The following NCOR1 variants were observed in gnomAD, a reference collection of about 807,000 sequenced individuals.
The protein encoded by NCOR1 is protein phosphatase 1, regulatory subunit 109.
Under a neutral mutation model 288.1 loss-of-function variants are expected in NCOR1, and 63 were observed. That is an observed-to-expected ratio of 0.22 (90% CI 0.18 to 0.27). NCOR1 has a LOEUF of 0.27. Among genes scored for constraint, NCOR1 ranks in the 10% least tolerant of loss-of-function variants. NCOR1 has a pLI of 1.00. For synonymous variants in NCOR1, 1,007 were observed against 1,065.9 expected, an observed-to-expected ratio of 0.94 and a Z score of 1.08; for missense variants, 2,397 against 3,019.2, an observed-to-expected ratio of 0.79 and a Z score of 4.83.
Position 16,127,311 on chromosome 17 carries a change from A to ATGTATGTATGTATGTATATATACG in NCOR1, c.1510-1106_1510-1105insCGTATATATACATACATACATACA, listed in dbSNP as rs1568196021. Among the ~76,000 whole-genome samples the ATGTATGTATGTATGTATATATACG allele has an allele frequency of 1.9e-3, 67 of 34,394 alleles. 22 individuals carry two copies. The highest frequency in any genetic ancestry group is 3.7e-3 in the Non-Finnish European group (51 of 13,818). 22.6% of individuals were successfully genotyped at this position (34,394 alleles called of 152,430 possible). On this transcript the variant is annotated intron_variant, in intron 14 of 45. Coordinates refer to ENST00000268712, the MANE Select transcript of NCOR1 (RefSeq NM_006311.4). ...TATATATGTATGTATGTATATATAC[A>ATGTATGTATGTATGTATATATACG]TGTATGTATATATGTATGTATATAT...
intron 20 of NCOR1, among the ~76,000 whole-genome samples, chr17:16,100,742 A>G (rs2067468925): frequency 6.6e-6 from 1 of 152,260 alleles, no homozygotes; most frequent in Non-Finnish European, 1.5e-5. Context: ...AAGTGGTCAT[A>G]ATTATCATTA....
intron 18 of NCOR1, among the ~76,000 whole-genome samples, chr17:16,111,171 G>A (rs1314601802): frequency 2.0e-5 from 3 of 152,180 alleles, no homozygotes; most frequent in Non-Finnish European, 4.4e-5. Context: ...CTAGGGAAGA[G>A]ACAACTTTTT....
intron 5 of NCOR1, among the ~76,000 whole-genome samples, chr17:16,159,649 C>A (rs1188668905): frequency 6.6e-6 from 1 of 152,034 alleles, no homozygotes; most frequent in Non-Finnish European, 1.5e-5. Flanking sequence ...CCATGCCACC[C>A]TCAACACCCA....
rs780282363 is a variant in NCOR1, at chr17:16,065,489, C to T, written c.4947G>A (p.Thr1649=). Residue 1649 remains threonine, a synonymous_variant, in exon 33 of 46, where the codon ACG becomes ACA. Transcript: ENST00000268712. Reference sequence around the variant, plus strand: ...CTGAAATGCAAAGACACACACCTCTCGTTGCTGGGTATGGGAGACCCAGTG... The same window carrying T: ...CTGAAATGCAAAGACACACACCTCTTGTTGCTGGGTATGGGAGACCCAGTG... ...EQPLGLPYPA[T]RGIIDLTNMP... is the part of the protein sequence containing the mutation. 17 of 1,613,994 alleles carry T rather than the reference C, an allele frequency of 1.1e-5. No individual in the cohort carries two copies. The highest frequency in any genetic ancestry group is 2.2e-5 in the South Asian group (2 of 91,068).
rs921700391 is a variant in NCOR1 at position 16,146,650 on chromosome 17, A to C, written c.910-102T>G. The C allele has an allele frequency of 2.7e-6, 3 of 1,102,304 alleles. No individual in the cohort carries two copies. The African/African-American group carries it at 4.8e-5, about 18-fold the overall frequency. The allele number at this position is 1,102,304 out of a possible 1,614,324, so 68.3% of individuals were successfully genotyped here. On this transcript the variant is annotated intron_variant, in intron 9 of 45. Transcript: ENST00000268712. ...TGCTACTTCTTAAGGTTAAGTCAGA[A>C]GTACATTTGGCTTATGACTCAACTG...
chr17:16,163,243 T>A (rs1320810686), intron 5 of NCOR1, among the ~76,000 whole-genome samples: 1 of 152,086 alleles, frequency 6.6e-6, no homozygotes, highest in Non-Finnish European at 1.5e-5. Context: ...ACCCACAGAA[T>A]GAGAGAAAAT....
Position 16,171,863 on chromosome 17 carries a change from C to G in NCOR1, c.375G>C (p.Ala125=). 1 of 1,612,832 alleles carries G rather than the reference C, an allele frequency of 6.2e-7. No homozygotes were observed. Among genetic ancestry groups the G allele is most frequent in the Non-Finnish European group, 8.5e-7 (1 of 1,179,514 alleles). ...SDSHFQRVSA[A]VLPLVHPLPE... ...GCAGCGGGTGCACTAAAGGCAAAAC[C>G]GCAGCACTGACACGCTGAAAATGAG... The change falls in exon 4 of 46, where the codon GCG becomes GCC. Residue 125 remains alanine (A), a synonymous_variant. Coordinates refer to ENST00000268712, the MANE Select transcript of NCOR1 (RefSeq NM_006311.4).
intron 1 of NCOR1, among the ~76,000 whole-genome samples, chr17:16,202,223 C>CAAAA (rs35812448): frequency 2.1e-5 from 2 of 97,400 alleles, no homozygotes; most frequent in Admixed American, 1.2e-4. Flanking sequence ...GACTCCATCT[C>CAAAA]AAAAAAAAAA....
chr17:16,096,044 C>G (rs2066549556), intron 21 of NCOR1, among the ~76,000 whole-genome samples: 1 of 152,134 alleles, frequency 6.6e-6, no homozygotes, highest in Non-Finnish European at 1.5e-5. Flanking sequence ...CCTGTGCTCT[C>G]TGAAACATGT....
chr17:16,078,807 C>G (rs1193652253), intron 26 of NCOR1, among the ~76,000 whole-genome samples: 1 of 152,158 alleles, frequency 6.6e-6, no homozygotes, highest in Non-Finnish European at 1.5e-5. Flanking sequence ...AACTCCTGAC[C>G]TCGTGATCCG....
intron 7 of NCOR1, among the ~76,000 whole-genome samples, chr17:16,152,478 T>C (rs537139280): frequency 1.3e-5 from 2 of 152,314 alleles, no homozygotes; most frequent in South Asian, 2.1e-4. Context: ...ACAAAGGACA[T>C]GAACTCATCC....
At chr17:16,093,869 C>T (rs1456018110) in intron 21 of NCOR1, among the ~76,000 whole-genome samples, 1 of 152,140 alleles carries the variant, frequency 6.6e-6, no homozygotes, top group African/African-American at 2.4e-5. Flanking sequence ...CCTAATAGAG[C>T]ATCGCATTTT....
chr17:16,144,701 A>C (rs2077604082), intron 10 of NCOR1, among the ~76,000 whole-genome samples: 1 of 152,082 alleles, frequency 6.6e-6, no homozygotes. Flanking sequence ...AGTTTCAAGA[A>C]ACAATAGCTC....
At chr17:16,101,838 T>C in intron 19 of NCOR1, 81 bp from the exon 20 acceptor site, 1 of 1,520,536 alleles carries the variant, frequency 6.6e-7, no homozygotes, top group Non-Finnish European at 8.9e-7. Flanking sequence ...AAAAATCTGA[T>C]AATGAACATG....
chr17:16,181,221 G>GTA (rs1568520521), intron 3 of NCOR1, among the ~76,000 whole-genome samples: 1 of 142,528 alleles, frequency 7.0e-6, no homozygotes, highest in African/African-American at 2.6e-5. Context: ...ATGTGTGTGT[G>GTA]TGTGTGTGTG....
intron 23 of NCOR1, among the ~76,000 whole-genome samples, chr17:16,081,208 CTTTTTGTTTT>C (rs2063344641): frequency 7.9e-6 from 1 of 126,554 alleles, no homozygotes; most frequent in Admixed American, 8.5e-5. Flanking sequence ...TTTTTGTTTT[CTTTTTGTTTT>C]TTTTTTTGAG....
chr17:16,094,942 TG>T (rs1183825784), intron 21 of NCOR1, among the ~76,000 whole-genome samples: 1 of 152,188 alleles, frequency 6.6e-6, no homozygotes, highest in African/African-American at 2.4e-5. Flanking sequence ...CCGCCTGCCT[TG>T]GCCCCCCAAA....
At chr17:16,156,263 C>T (rs1417869094) in intron 6 of NCOR1, among the ~76,000 whole-genome samples, 1 of 151,754 alleles carries the variant, frequency 6.6e-6, no homozygotes, top group Non-Finnish European at 1.5e-5. Context: ...CGGTAAAACC[C>T]CATCTCTACT....
At chr17:16,074,995 G>A (rs919713239) in intron 27 of NCOR1, among the ~76,000 whole-genome samples, 11 of 152,116 alleles carry the variant, frequency 7.2e-5, no homozygotes, top group Non-Finnish European at 1.3e-4. Flanking sequence ...AGCCTCCCGA[G>A]TAGCTGGGAC....
Sources: gnomAD v4.1 joint callset for allele counts (sites outside exome capture counted in the v4.1 genomes callset) on GRCh38, gnomAD v4.1.1 for gene constraint, MANE v1.5 for transcripts, NCBI Gene and HGNC (gene_info 2026-07-23, HGNC 2026-07-21) for gene names.